Variants in RBMS3 observed in about 807,000 individuals in gnomAD.
RBMS3 encodes the protein RNA-binding motif, single-stranded-interacting protein 3.
In RBMS3, 27 loss-of-function variants were observed where a neutral mutation model predicts 66.8. The ratio of observed to expected loss-of-function variants is 0.40; its 90% confidence interval spans 0.30 to 0.56. RBMS3 has a LOEUF of 0.56. Ranked by LOEUF, RBMS3 falls within the 20% of genes least tolerant of loss-of-function variation. The pLI is 0.40. For synonymous variants in RBMS3, 188 were observed against 183.0 expected (o/e 1.03, Z -0.22); for missense variants, 513 against 549.5 (o/e 0.93, Z 0.66).
chr3:29,539,599 G>T (rs2045687954), intron 3 of RBMS3, among the ~76,000 whole-genome samples: 1 of 152,130 alleles, frequency 6.6e-6, no homozygotes, highest in Admixed American at 6.6e-5. Flanking sequence ...GGTCATCCAG[G>T]TATCAAGTAC....
At chr3:29,490,817 C>A (rs1465330205) in intron 3 of RBMS3, among the ~76,000 whole-genome samples, 1 of 152,074 alleles carries the variant, frequency 6.6e-6, no homozygotes, top group East Asian at 1.9e-4. Flanking sequence ...ATGTTAGAAG[C>A]ATTAGAATGC....
chr3:29,518,304 G>T (rs62236920), intron 3 of RBMS3, among the ~76,000 whole-genome samples: 17,473 of 152,090 alleles, frequency 0.11, 1,620 homozygotes, highest in East Asian at 0.39. Context: ...AATGTCTTTT[G>T]GAAACTTATA....
chr3:29,686,662 G>A (rs2051746334), intron 4 of RBMS3, among the ~76,000 whole-genome samples: 1 of 151,924 alleles, frequency 6.6e-6, no homozygotes, highest in South Asian at 2.1e-4. Context: ...GGACCACACA[G>A]AAAAACCCTG....
chr3:29,434,597 C>A, intron 1 of RBMS3, 146 bp from the exon 2 acceptor site: 1 of 1,152,574 alleles, frequency 8.7e-7, no homozygotes, highest in Non-Finnish European at 1.2e-6. Context: ...TTGAATGCAA[C>A]AGAGAGTAGT....
intron 4 of RBMS3, chr3:29,616,872 GCC>G (rs2048692734): frequency 3.9e-5 from 6 of 152,166 alleles, no homozygotes; most frequent in Non-Finnish European, 1.5e-5. Context: ...CAATAGTAAA[GCC>G]AAAAAACCTG....
intron 2 of RBMS3, among the ~76,000 whole-genome samples, chr3:29,445,558 A>G (rs1039500427): frequency 6.6e-6 from 1 of 152,072 alleles, no homozygotes; most frequent in Non-Finnish European, 1.5e-5. Context: ...TTGTTTTTTC[A>G]CAGATTTCTC....
chr3:29,420,291 G>A (rs535814262), intron 1 of RBMS3, among the ~76,000 whole-genome samples: 2 of 152,270 alleles, frequency 1.3e-5, no homozygotes, highest in South Asian at 4.1e-4. Context: ...AGCTGAGCCA[G>A]GGCCATCAAT....
At chr3:29,778,634 G>A (rs537873101) in intron 6 of RBMS3, among the ~76,000 whole-genome samples, 2 of 151,838 alleles carry the variant, frequency 1.3e-5, no homozygotes, top group South Asian at 4.1e-4. Flanking sequence ...TAGTAAATGG[G>A]CTGATTGACC....
At position 30,010,002 on chromosome 3, in the gene RBMS3, G is replaced by T. The variant is rs1037731275; in HGVS notation, c.*6140G>T. ...AATGCTTCCATTTATTTCAAAAGAA[G>T]AAGAAGAAAAATGGAATCTTAATTT... On this transcript the variant is annotated 3_prime_UTR_variant, in exon 15 of 15. Transcript: ENST00000383767. 5 of 150,640 alleles carry T rather than the reference G, an allele frequency of 3.3e-5. No individual in the cohort carries two copies. Among genetic ancestry groups the T allele is most frequent in the African/African-American group, 7.3e-5 (3 of 40,862 alleles). 9.3% of individuals were successfully genotyped at this position (150,640 alleles called of 1,614,324 possible).
intron 10 of RBMS3, among the ~76,000 whole-genome samples, chr3:29,932,517 G>A (rs915775984): frequency 6.6e-6 from 1 of 152,114 alleles, no homozygotes; most frequent in Non-Finnish European, 1.5e-5. Context: ...TGCTGCTACT[G>A]ATCCACAAAC....
chr3:29,685,014 G>T (rs547618393), intron 4 of RBMS3, among the ~76,000 whole-genome samples: 1 of 151,828 alleles, frequency 6.6e-6, no homozygotes, highest in African/African-American at 2.4e-5. Flanking sequence ...ATATTTTTCA[G>T]GGGTAAAACA....
At chr3:29,411,842 G>A (rs915275954) in intron 1 of RBMS3, among the ~76,000 whole-genome samples, 3 of 152,104 alleles carry the variant, frequency 2.0e-5, no homozygotes, top group Admixed American at 1.3e-4. Context: ...AGTTTTTATT[G>A]TTTCAAACAC....
chr3:29,810,303 A>G (rs1452113203), intron 6 of RBMS3, among the ~76,000 whole-genome samples: 2 of 152,108 alleles, frequency 1.3e-5, no homozygotes, highest in Non-Finnish European at 2.9e-5. Flanking sequence ...TTTTATTTCT[A>G]ACTTAAGAAA....
At chr3:29,544,674 G>A (rs1028212480) in intron 3 of RBMS3, among the ~76,000 whole-genome samples, 1 of 140,074 alleles carries the variant, frequency 7.1e-6, no homozygotes, top group African/African-American at 2.8e-5. Flanking sequence ...CCTTAGATAA[G>A]AAAAAAGAAG....
chr3:29,505,506 G>GTTTT (rs749285833), intron 3 of RBMS3, among the ~76,000 whole-genome samples: 15 of 107,288 alleles, frequency 1.4e-4, no homozygotes, highest in African/African-American at 5.0e-4. Flanking sequence ...CTTCAATTTT[G>GTTTT]TTTTTTTTTT....
chr3:29,607,709 A>G (rs962719127), intron 4 of RBMS3, among the ~76,000 whole-genome samples: 1 of 151,974 alleles, frequency 6.6e-6, no homozygotes, highest in Non-Finnish European at 1.5e-5. Context: ...TTTACTTTAC[A>G]TGGAGAAAAT....
chr3:29,994,624 C>T (rs1196256546), intron 14 of RBMS3, among the ~76,000 whole-genome samples: 3 of 152,134 alleles, frequency 2.0e-5, no homozygotes, highest in Admixed American at 6.6e-5. Flanking sequence ...CCCTGACCCC[C>T]GAGCAGCCTA....
intron 4 of RBMS3, among the ~76,000 whole-genome samples, chr3:29,702,190 T>C (rs892637729): frequency 2.0e-5 from 3 of 152,114 alleles, no homozygotes; most frequent in Non-Finnish European, 4.4e-5. Context: ...GGAGAACCTT[T>C]ATGTCTAGCT....
chr3:29,477,804 C>A (rs1409235731), intron 2 of RBMS3, among the ~76,000 whole-genome samples: 1 of 152,022 alleles, frequency 6.6e-6, no homozygotes, highest in Non-Finnish European at 1.5e-5. Flanking sequence ...CTCACTCTGT[C>A]ACCTAGGCTG....
Sources: gnomAD v4.1 joint callset for allele counts (sites outside exome capture counted in the v4.1 genomes callset) on GRCh38, gnomAD v4.1.1 for gene constraint, MANE v1.5 for transcripts, NCBI Gene and HGNC (gene_info 2026-07-23, HGNC 2026-07-21) for gene names.